CDC40: variants seen among roughly 807,000 people sequenced by gnomAD.
CDC40 encodes the protein pre-mRNA-processing factor 17.
A neutral mutation model predicts 80.6 loss-of-function variants in CDC40; 27 were observed. The observed-to-expected ratio is 0.33, with a 90% CI of 0.25 to 0.46. The LOEUF is 0.46. Ranked by LOEUF, CDC40 falls within the 20% of genes least tolerant of loss-of-function variation. CDC40 has a pLI of 1.00. For synonymous variants in CDC40, 221 were observed against 232.6 expected, an observed-to-expected ratio of 0.95 and a Z score of 0.45; for missense variants, 486 against 694.1, an observed-to-expected ratio of 0.70 and a Z score of 3.37.
chr6:110,211,565 TACTC>T (rs960871232), intron 6 of CDC40: 3 of 152,216 alleles, frequency 2.0e-5, no homozygotes, highest in Non-Finnish European at 2.9e-5. Flanking sequence ...ATTGAGTACT[TACTC>T]TGTGCCAGGC....
Position 110,219,723 on chromosome 6 carries a change from G to T in CDC40, c.1207-13G>T, listed in dbSNP as rs371059093. 8.1e-6 allele frequency: 13 copies of T among 1,607,990 alleles called. No homozygotes were observed. In the African/African-American group the frequency reaches 1.3e-4, roughly 17 times the overall value. ...TACTTCTGTCTTTACCTTTTTTCTT[G>T]CCTGATACACAGTGGGACATTCGAA... On this transcript the variant is annotated splice_polypyrimidine_tract_variant and intron_variant, in intron 11 of 14. Transcript: ENST00000307731.
At chr6:110,215,056 T>C (rs1777681433) in intron 8 of CDC40, among the ~76,000 whole-genome samples, 1 of 152,182 alleles carries the variant, frequency 6.6e-6, no homozygotes. Flanking sequence ...TTTAAAACTC[T>C]TTAGTTTTGA....
intron 7 of CDC40, among the ~76,000 whole-genome samples, chr6:110,212,740 T>C (rs1777652236): frequency 6.6e-6 from 1 of 152,214 alleles, no homozygotes; most frequent in African/African-American, 2.4e-5. Context: ...TTGATGTTGA[T>C]ATTCTTTGTC....
intron 1 of CDC40, among the ~76,000 whole-genome samples, chr6:110,182,647 C>T (rs1777214178): frequency 6.6e-6 from 1 of 152,196 alleles, no homozygotes; most frequent in Admixed American, 6.5e-5. Context: ...TCATATCTTC[C>T]TTATTTCTCC....
At chr6:110,226,709 G>A (rs984368873) in intron 13 of CDC40, among the ~76,000 whole-genome samples, 14 of 151,214 alleles carry the variant, frequency 9.3e-5, no homozygotes, top group African/African-American at 4.9e-5. Context: ...CACTATGCCC[G>A]GCCAGAGTTT....
In CDC40 at chr6:110,217,709, T is replaced by C; in HGVS notation, c.996T>C (p.Ser332=). ...RRCLRTFIGH[S]KAVRDICFNT... ...TGTTGACTCCACCTTTAGGTCACAGTAAGGCTGTTAGGGATATCTGCTTCA... is the reference window on the plus strand; with the variant it reads ...TGTTGACTCCACCTTTAGGTCACAGCAAGGCTGTTAGGGATATCTGCTTCA... Residue 332 remains serine, a synonymous_variant, in exon 10 of 15, where the codon AGT becomes AGC. Coordinates refer to ENST00000307731, the MANE Select transcript of CDC40 (RefSeq NM_015891.3). The C allele has an allele frequency of 6.4e-7, 1 of 1,551,750 alleles. No individual in the cohort carries two copies. The highest frequency in any genetic ancestry group is 8.9e-7 in the Non-Finnish European group (1 of 1,123,380).
intron 1 of CDC40, among the ~76,000 whole-genome samples, chr6:110,191,202 T>C (rs1777345046): frequency 6.6e-6 from 1 of 152,216 alleles, no homozygotes; most frequent in Non-Finnish European, 1.5e-5. Flanking sequence ...ATTATTTTTC[T>C]TGTTGGTTTT....
rs528341948 is a variant in CDC40 at position 110,226,540 on chromosome 6, C to G, written c.1417+297C>G. Among the ~76,000 whole-genome samples, 12 of 149,922 alleles carry G rather than the reference C, an allele frequency of 8.0e-5. No homozygotes were observed. The South Asian group carries it at 2.4e-3, about 29-fold the overall frequency. ...AGTTTTCTTTTCTTTTTTCTTTTCC[C>G]CTCCTCTCCCCTCCTCTCCTCTCCC... On this transcript the variant is annotated intron_variant, in intron 13 of 14. Coordinates refer to ENST00000307731, the MANE Select transcript of CDC40 (RefSeq NM_015891.3).
intron 5 of CDC40, among the ~76,000 whole-genome samples, chr6:110,209,873 T>C (rs973370262): frequency 1.3e-5 from 2 of 152,182 alleles, no homozygotes; most frequent in African/African-American, 2.4e-5. Flanking sequence ...ATGAATAAAC[T>C]TATTCTACTA....
chr6:110,204,858 G>A (rs1468250108), intron 3 of CDC40, among the ~76,000 whole-genome samples: 1 of 151,702 alleles, frequency 6.6e-6, no homozygotes, highest in Non-Finnish European at 1.5e-5. Context: ...TAGAGATGGG[G>A]TTTTACCATA....
intron 2 of CDC40, among the ~76,000 whole-genome samples, chr6:110,201,221 A>G (rs2114657028): frequency 6.6e-6 from 1 of 152,348 alleles, no homozygotes; most frequent in Admixed American, 6.5e-5. Flanking sequence ...GGGAAACTAT[A>G]GTAACTCTCA....
chr6:110,228,482 A>G (rs1277998237), intron 13 of CDC40, among the ~76,000 whole-genome samples: 1 of 152,030 alleles, frequency 6.6e-6, no homozygotes, highest in East Asian at 1.9e-4. Context: ...TATTTCCCAT[A>G]GTTCTGTTGT....
chr6:110,192,761 T>C (rs1777367945), intron 1 of CDC40, among the ~76,000 whole-genome samples: 1 of 152,214 alleles, frequency 6.6e-6, no homozygotes, highest in Admixed American at 6.5e-5. Flanking sequence ...GCCCTGTCAC[T>C]TCCTTTTGTT....
At chr6:110,218,206 G>A (rs1242824648) in intron 10 of CDC40, among the ~76,000 whole-genome samples, 1 of 152,150 alleles carries the variant, frequency 6.6e-6, no homozygotes, top group Non-Finnish European at 1.5e-5. Context: ...TCACAGGCCA[G>A]TTGGTTTTAT....
At position 110,230,027 on chromosome 6, in the gene CDC40, T is replaced by C. The variant is rs1777915444; in HGVS notation, c.1636T>C (p.Phe546Leu). ...GAAGACCACAAAACTCTACAGTCGA[T>C]TTAAAGCTCATGATAAAGTGTGTAT... ...DWKTTKLYSR[F>L]KAHDKVCIGA... The change falls in exon 15 of 15, where the codon TTT becomes CTT. Residue 546 changes from phenylalanine to leucine, a missense_variant. Transcript: ENST00000307731. The C allele has an allele frequency of 6.2e-7, 1 of 1,612,154 alleles. No individual in the cohort carries two copies. The highest frequency in any genetic ancestry group is 1.1e-5 in the South Asian group (1 of 91,026).
At chr6:110,222,824 G>A (rs145998695) in intron 12 of CDC40, among the ~76,000 whole-genome samples, 1 of 152,296 alleles carries the variant, frequency 6.6e-6, no homozygotes, top group Non-Finnish European at 1.5e-5. Context: ...CAATAGTGCT[G>A]AATCTGTAAA....
intron 1 of CDC40, among the ~76,000 whole-genome samples, chr6:110,183,864 G>T (rs947719283): frequency 6.6e-6 from 1 of 151,908 alleles, no homozygotes; most frequent in African/African-American, 2.4e-5. Context: ...AGCAACTATT[G>T]GGTTGTCATT....
chr6:110,218,921 C>T (rs919047990), intron 10 of CDC40, among the ~76,000 whole-genome samples: 1 of 151,584 alleles, frequency 6.6e-6, no homozygotes, highest in Non-Finnish European at 1.5e-5. Flanking sequence ...TTTCTTATGC[C>T]CTTTTCCAGT....
At chr6:110,198,179 C>CTTTTT (rs559909824) in intron 2 of CDC40, among the ~76,000 whole-genome samples, 1 of 136,692 alleles carries the variant, frequency 7.3e-6, no homozygotes, top group African/African-American at 2.7e-5. Context: ...TACCTGTTGA[C>CTTTTT]TTTTTTTTTT....
Sources: allele counts gnomAD v4.1 joint callset (sites outside exome capture counted in the v4.1 genomes callset), GRCh38; gene constraint gnomAD v4.1.1; transcripts MANE v1.5; gene names NCBI Gene and HGNC (gene_info 2026-07-23, HGNC 2026-07-21).